The following SCN8A variants were observed in gnomAD, a reference collection of about 807,000 sequenced individuals.
SCN8A encodes the protein sodium channel protein type 8 subunit alpha.
Under a neutral mutation model 184.1 loss-of-function variants are expected in SCN8A, and 30 were observed. The observed-to-expected ratio is 0.16, with a 90% confidence interval of 0.12 to 0.22. The LOEUF is 0.22. Among genes scored for constraint, SCN8A ranks in the 10% least tolerant of loss-of-function variants. SCN8A has a pLI of 1.00. For synonymous variants in SCN8A, 852 were observed against 907.0 expected, an observed-to-expected ratio of 0.94 and a Z score of 1.09; for missense variants, 1,057 against 2,498.9, an observed-to-expected ratio of 0.42 and a Z score of 12.30.
chr12:51,669,389 A>G (rs1941091891), intron 2 of SCN8A, among the ~76,000 whole-genome samples: 1 of 152,162 alleles, frequency 6.6e-6, no homozygotes, highest in Admixed American at 6.5e-5. Flanking sequence ...TATCTTTCTA[A>G]TTGTATTTCA....
At chr12:51,652,122 T>C (rs1940727495) in intron 1 of SCN8A, among the ~76,000 whole-genome samples, 1 of 152,106 alleles carries the variant, frequency 6.6e-6, no homozygotes, top group Non-Finnish European at 1.5e-5. Flanking sequence ...AGACTCAGCA[T>C]GTTCAAAAGT....
At chr12:51,705,755 C>G (rs1336085977) in intron 10 of SCN8A, 132 bp downstream of exon 10, 10 of 787,030 alleles carry the variant, frequency 1.3e-5, no homozygotes, top group Non-Finnish European at 2.0e-5. Flanking sequence ...TGAAAATAAC[C>G]CAAGTAACAA....
intron 20 of SCN8A, chr12:51,780,245 G>C: frequency 2.2e-6 from 1 of 456,436 alleles, no homozygotes; most frequent in South Asian, 1.6e-5. Flanking sequence ...GGACTTCTGG[G>C]ACCTGCAGAG....
chr12:51,805,312 T>C (rs1938668730), intron 26 of SCN8A, among the ~76,000 whole-genome samples: 1 of 152,068 alleles, frequency 6.6e-6, no homozygotes, highest in South Asian at 2.1e-4. Context: ...GATGTGGCAG[T>C]TCACACCCGT....
chr12:51,781,398 A>G (rs926556653), intron 21 of SCN8A, among the ~76,000 whole-genome samples: 7 of 151,720 alleles, frequency 4.6e-5, no homozygotes, highest in African/African-American at 1.2e-4. Context: ...TTTTTTCCTC[A>G]CCCCCAACCC....
At chr12:51,604,473 GT>G (rs1218022499) in intron 1 of SCN8A, among the ~76,000 whole-genome samples, 4 of 151,664 alleles carry the variant, frequency 2.6e-5, no homozygotes, top group African/African-American at 4.8e-5. Context: ...TTTTCCCCAG[GT>G]TTTTTTGTTT....
At chr12:51,645,546 G>A (rs940093728) in intron 1 of SCN8A, among the ~76,000 whole-genome samples, 34 of 152,110 alleles carry the variant, frequency 2.2e-4, no homozygotes, top group African/African-American at 7.5e-4. Context: ...TTGAGAAATC[G>A]GATGGTTGCC....
chr12:51,688,098 C>G (rs1285597914), intron 5 of SCN8A, among the ~76,000 whole-genome samples: 1 of 152,176 alleles, frequency 6.6e-6, no homozygotes, highest in Admixed American at 6.5e-5. Context: ...GTCTTACTTT[C>G]TAGCATTATG....
intron 18 of SCN8A, chr12:51,770,223 A>C: frequency 1.7e-6 from 1 of 585,754 alleles, no homozygotes; most frequent in Non-Finnish European, 3.0e-6. Flanking sequence ...TCAGCCCAAA[A>C]ATTTCCATTA....
At position 51,774,341 on chromosome 12, in the gene SCN8A, G is replaced by T; in HGVS notation, c.3798G>T (p.Trp1266Cys). 6.2e-7 allele frequency: 1 copy of T among 1,611,688 alleles called. No homozygotes were observed. Among genetic ancestry groups the T allele is most frequent in the Non-Finnish European group, 8.5e-7 (1 of 1,178,584 alleles). ...FVKFFTNAWCWLDFLIVAVSL... is the reference protein window; with the variant it reads ...FVKFFTNAWCCLDFLIVAVSL... ...AGTTCTTCACCAATGCCTGGTGTTG[G>T]CTGGACTTCCTCATTGTGGCTGTAG... Residue 1266 changes from tryptophan to cysteine, a missense_variant, in exon 20 of 27, where the codon TGG (tryptophan) becomes TGT (cysteine). By Grantham distance (215) the Trp-to-Cys change is radical (BLOSUM62 -2). Transcript: ENST00000627620.
At chr12:51,729,644 T>C (rs937845560) in intron 12 of SCN8A, among the ~76,000 whole-genome samples, 1 of 152,202 alleles carries the variant, frequency 6.6e-6, no homozygotes, top group Non-Finnish European at 1.5e-5. Flanking sequence ...TAAAACTCTT[T>C]TAGAACATAA....
At chr12:51,645,270 G>GC (rs1403391895) in intron 1 of SCN8A, among the ~76,000 whole-genome samples, 1 of 147,108 alleles carries the variant, frequency 6.8e-6, no homozygotes, top group African/African-American at 2.5e-5. Flanking sequence ...CTGCCCAGCC[G>GC]CCCCTACTGG....
intron 1 of SCN8A, among the ~76,000 whole-genome samples, chr12:51,645,655 C>A (rs533227734): frequency 4.9e-4 from 75 of 152,114 alleles, no homozygotes; most frequent in Non-Finnish European, 8.7e-4. Flanking sequence ...GACCTTACCC[C>A]CAACCCTGTG....
intron 1 of SCN8A, among the ~76,000 whole-genome samples, chr12:51,657,033 G>C (rs1038600225): frequency 6.6e-6 from 1 of 152,002 alleles, no homozygotes; most frequent in Non-Finnish European, 1.5e-5. Flanking sequence ...ATTGAAAATA[G>C]GTACTAAAAT....
intron 9 of SCN8A, among the ~76,000 whole-genome samples, chr12:51,703,496 T>C (rs2138743777): frequency 6.6e-6 from 1 of 152,328 alleles, no homozygotes; most frequent in South Asian, 2.1e-4. Context: ...ATAGATGGAA[T>C]TTCCATAAGG....
chr12:51,595,324 A>G (rs1214059336), intron 1 of SCN8A, among the ~76,000 whole-genome samples: 1 of 152,248 alleles, frequency 6.6e-6, no homozygotes, highest in Non-Finnish European at 1.5e-5. Flanking sequence ...AGTTTGTGCA[A>G]GAATGGGAAG....
At chr12:51,706,770 A>T in intron 11 of SCN8A, 55 bp downstream of exon 11, 1 of 1,214,924 alleles carries the variant, frequency 8.2e-7, no homozygotes, top group African/African-American at 1.5e-5. Context: ...TATTAAGGTA[A>T]AATGTGTATA....
intron 20 of SCN8A, among the ~76,000 whole-genome samples, chr12:51,778,198 A>G (rs1419187029): frequency 5.3e-5 from 8 of 152,204 alleles, no homozygotes; most frequent in Admixed American, 5.2e-4. Context: ...TGCTTTGGAC[A>G]TTGCCCAGGG....
intron 2 of SCN8A, among the ~76,000 whole-genome samples, chr12:51,678,040 G>A (rs924836507): frequency 3.9e-5 from 6 of 152,216 alleles, no homozygotes; most frequent in African/African-American, 7.2e-5. Flanking sequence ...GCGTTAGAGC[G>A]TAGTGTTGAA....
Sources: gnomAD v4.1 joint callset for allele counts (sites outside exome capture counted in the v4.1 genomes callset) on GRCh38, gnomAD v4.1.1 for gene constraint, MANE v1.5 for transcripts, NCBI Gene and HGNC (gene_info 2026-07-23, HGNC 2026-07-21) for gene names.